Variants in PIAS1 observed in about 807,000 individuals in gnomAD.
The protein encoded by PIAS1 is E3 SUMO-protein ligase PIAS1.
PIAS1 carries 6 observed loss-of-function variants against 71.3 expected under a neutral mutation model. That is an observed-to-expected ratio of 0.08 (90% CI 0.05 to 0.17). The LOEUF (loss-of-function observed/expected upper bound fraction) is 0.17. PIAS1 is among the 10% of genes least tolerant of loss of function. The pLI is 1.00. For missense variants in PIAS1, 555 were observed against 793.6 expected (o/e 0.70, Z 3.61); for synonymous variants, 303 against 292.9 (o/e 1.03, Z -0.35).
intron 2 of PIAS1, among the ~76,000 whole-genome samples, chr15:68,117,476 G>A (rs190592932): frequency 1.2e-3 from 185 of 152,310 alleles, no homozygotes; most frequent in African/African-American, 4.4e-3. Flanking sequence ...CTATCTAACT[G>A]TAGCTTTGTA....
intron 2 of PIAS1, among the ~76,000 whole-genome samples, chr15:68,102,691 T>G (rs1021823214): frequency 6.6e-6 from 1 of 152,106 alleles, no homozygotes; most frequent in East Asian, 1.9e-4. Flanking sequence ...AAATATTTTG[T>G]TTTTTTCTGA....
At chr15:68,101,589 C>G (rs2092427501) in intron 2 of PIAS1, among the ~76,000 whole-genome samples, 1 of 152,180 alleles carries the variant, frequency 6.6e-6, no homozygotes, top group Admixed American at 6.5e-5. Flanking sequence ...CTGCCTCAGC[C>G]TCCTGAGTAG....
At chr15:68,072,652 AATGTT>A (rs1446785393) in intron 1 of PIAS1, among the ~76,000 whole-genome samples, 1 of 152,074 alleles carries the variant, frequency 6.6e-6, no homozygotes, top group Non-Finnish European at 1.5e-5. Flanking sequence ...AAATCTTCTT[AATGTT>A]ATGCCTTCCT....
chr15:68,106,815 A>T (rs1281010057), intron 2 of PIAS1, among the ~76,000 whole-genome samples: 1 of 152,180 alleles, frequency 6.6e-6, no homozygotes, highest in Non-Finnish European at 1.5e-5. Flanking sequence ...TGAAATTCTT[A>T]ATCGATTACA....
At chr15:68,088,228 G>A (rs80172924) in intron 2 of PIAS1, among the ~76,000 whole-genome samples, 1,207 of 108,212 alleles carry the variant, frequency 0.011, 7 homozygotes, top group East Asian at 0.056. Context: ...GGCCATATCT[G>A]TATCTATCCA....
At chr15:68,093,406 A>G (rs150711858) in intron 2 of PIAS1, among the ~76,000 whole-genome samples, 9 of 152,374 alleles carry the variant, frequency 5.9e-5, no homozygotes, top group African/African-American at 1.4e-4. Flanking sequence ...AGAGTTGTCT[A>G]CTGGCCACAG....
At chr15:68,055,931 C>T in intron 1 of PIAS1, 1 of 700,698 alleles carries the variant, frequency 1.4e-6, no homozygotes, top group African/African-American at 1.7e-5. Context: ...CTTTGAGTGT[C>T]ATTCTTTTAA....
At chr15:68,161,353 G>C (rs562232691) in intron 7 of PIAS1, among the ~76,000 whole-genome samples, 1 of 152,296 alleles carries the variant, frequency 6.6e-6, no homozygotes, top group African/African-American at 2.4e-5. Flanking sequence ...AGATTCTATT[G>C]TTGTATGTCA....
rs2093022502 is a variant in PIAS1, at chr15:68,176,748, G to A, written c.1481+94G>A. 15 of 889,706 alleles carry A rather than the reference G, an allele frequency of 1.7e-5. No homozygotes were observed. In the South Asian group the frequency reaches 2.9e-4, roughly 17 times the overall value. The allele number at this position is 889,706 out of a possible 1,614,324, so 55.1% of individuals were successfully genotyped here. On this transcript the variant is annotated intron_variant, in intron 11 of 13. Transcript: ENST00000249636. ...TTGCCAAATAAAATGATTCTTGATT[G>A]TGAAACTTAACTTAGCAATCAAAGA... is the stretch of plus-strand genomic sequence containing the variant.
At chr15:68,107,868 G>C (rs950901792) in intron 2 of PIAS1, among the ~76,000 whole-genome samples, 3 of 151,750 alleles carry the variant, frequency 2.0e-5, no homozygotes, top group African/African-American at 7.3e-5. Flanking sequence ...TACATGGTTT[G>C]TAGGTAGTGA....
At position 68,146,710 on chromosome 15, in the gene PIAS1, T is replaced by G. The variant is rs1340795919; in HGVS notation, c.828+10T>G. On this transcript the variant is annotated intron_variant, in intron 6 of 13. Transcript: ENST00000249636. ...TGCAGAAATTGGAAGAGTAAGTAAATTTTTGTTTCTACCAGATTTTTGTAT... is the reference window on the plus strand; with the variant it reads ...TGCAGAAATTGGAAGAGTAAGTAAAGTTTTGTTTCTACCAGATTTTTGTAT... The G allele has an allele frequency of 1.9e-6, 3 of 1,600,448 alleles. No individual in the cohort carries two copies. Among genetic ancestry groups the G allele is most frequent in the Non-Finnish European group, 2.6e-6 (3 of 1,171,396 alleles).
chr15:68,146,676 T>C lies in PIAS1; in HGVS notation c.804T>C (p.Val268=). Residue 268 remains valine (V), a synonymous_variant, in exon 6 of 14, where the codon GTT becomes GTC. Transcript: ENST00000249636. ...CAACAGTACCAAACACGATTGTTGT[T>C]TCTTGGACTGCAGAAATTGGAAGAG... ...LSTTVPNTIV[V]SWTAEIGRNY... 6.2e-7 allele frequency: 1 copy of C among 1,611,368 alleles called. No individual in the cohort carries two copies. The highest frequency in any genetic ancestry group is 8.5e-7 in the Non-Finnish European group (1 of 1,178,400).
chr15:68,103,648 C>T (rs934340920), intron 2 of PIAS1, among the ~76,000 whole-genome samples: 14 of 152,204 alleles, frequency 9.2e-5, no homozygotes, highest in East Asian at 3.9e-4. Context: ...ACTACTAATA[C>T]GGCATCTGTC....
intron 7 of PIAS1, among the ~76,000 whole-genome samples, chr15:68,159,438 A>G (rs2092910802): frequency 6.6e-6 from 1 of 152,146 alleles, no homozygotes; most frequent in Non-Finnish European, 1.5e-5. Context: ...CAATCAAAAT[A>G]TAGAACATCC....
At chr15:68,159,494 C>T (rs2092911006) in intron 7 of PIAS1, among the ~76,000 whole-genome samples, 1 of 152,098 alleles carries the variant, frequency 6.6e-6, no homozygotes, top group African/African-American at 2.4e-5. Context: ...TCCATCCCAT[C>T]CTTTTACCAT....
At position 68,167,124 on chromosome 15, in the gene PIAS1, A is replaced by G. The variant is rs1222072098; in HGVS notation, c.1008+2320A>G. Among the ~76,000 whole-genome samples the G allele has an allele frequency of 6.6e-6, 1 of 152,164 alleles. No individual in the cohort carries two copies. The highest frequency in any genetic ancestry group is 1.5e-5 in the Non-Finnish European group (1 of 68,026). On this transcript the variant is annotated intron_variant, in intron 8 of 13. Coordinates refer to ENST00000249636, the MANE Select transcript of PIAS1 (RefSeq NM_016166.3). This position sits in a 1 kb window ranked among gnomAD's most constrained non-coding sequence, Gnocchi z 4.4. ...GCGTGAGCCACCACACCTGGCCAGC[A>G]GTTCATTTTAAATTGACATCTGCTT...
chr15:68,113,224 A>G (rs921762714), intron 2 of PIAS1, among the ~76,000 whole-genome samples: 6 of 152,296 alleles, frequency 3.9e-5, no homozygotes, highest in African/African-American at 1.4e-4. Flanking sequence ...GGTACATATC[A>G]ATGTATGTAT....
At position 68,145,886 on chromosome 15, in the gene PIAS1, A is replaced by G; in HGVS notation, c.673A>G (p.Thr225Ala). The change falls in exon 5 of 14, where the codon ACA becomes GCA. Residue 225 changes from threonine (T) to alanine (A), a missense_variant. By Grantham distance (58) the Thr-to-Ala change is moderately conservative (BLOSUM62 0). Around this residue, in one of 5 missense-constraint regions of PIAS1, gnomAD observed 134 missense variants for 203.4 expected, o/e 0.66. Transcript: ENST00000249636. ...ACCCAATCTTTGTGTGAAAGTGAAT[A>G]CAAAACCTTGCAGCCTTCCAGTAAG... ...FPPNLCVKVN[T>A]KPCSLPGYLP... 1 of 1,609,904 alleles carries G rather than the reference A, an allele frequency of 6.2e-7. No individual in the cohort carries two copies. Among genetic ancestry groups the G allele is most frequent in the Non-Finnish European group, 8.5e-7 (1 of 1,176,314 alleles).
chr15:68,078,464 T>C (rs575433231), intron 1 of PIAS1, among the ~76,000 whole-genome samples: 1 of 152,346 alleles, frequency 6.6e-6, no homozygotes, highest in Admixed American at 6.5e-5. Context: ...CAATTACATC[T>C]TTACTGCCTC....
Sources: allele counts gnomAD v4.1 joint callset (sites outside exome capture counted in the v4.1 genomes callset), GRCh38; gene constraint gnomAD v4.1.1; regional missense constraint gnomAD v4.1.1; non-coding constraint Gnocchi (gnomAD v3.1); transcripts MANE v1.5; gene names NCBI Gene and HGNC (gene_info 2026-07-23, HGNC 2026-07-21).